ECPAS: variants seen among roughly 807,000 people sequenced by gnomAD.
The protein encoded by ECPAS is Ecm29 proteasome adaptor and scaffold, also known as proteasome adapter and scaffold protein ECM29.
A neutral mutation model predicts 255.1 loss-of-function variants in ECPAS; 70 were observed. The observed-to-expected ratio is 0.27, with a 90% confidence interval of 0.23 to 0.33. ECPAS has a LOEUF of 0.33. Ranked by LOEUF, ECPAS falls within the 10% of genes least tolerant of loss-of-function variation. The probability of loss-of-function intolerance (pLI) is 1.00; values close to 1 mark genes in which losing one functional copy is unlikely to be tolerated. For synonymous variants in ECPAS, 784 were observed against 775.0 expected (o/e 1.01, Z -0.19); for missense variants, 1,817 against 2,206.4 (o/e 0.82, Z 3.54).
intron 3 of ECPAS, among the ~76,000 whole-genome samples, 195 bp from the exon 4 acceptor site, chr9:111,444,689 T>C (rs1402901099): frequency 6.6e-6 from 1 of 152,184 alleles, no homozygotes; most frequent in Admixed American, 6.5e-5. Context: ...CTCCCAAAAA[T>C]CTATGCACTA....
rs1353652509 is a variant in ECPAS at position 111,384,455 on chromosome 9, T to TA, written c.3681+66dup. 9 of 1,395,668 alleles carry TA rather than the reference T, an allele frequency of 6.4e-6. No homozygotes were observed. The African/African-American group carries it at 8.6e-5, about 13-fold the overall frequency. 86.5% of individuals were successfully genotyped at this position (1,395,668 alleles called of 1,614,324 possible). A position where few individuals can be genotyped will look rare whatever the true frequency, so the allele number is the denominator to read the frequency against. On this transcript the variant is annotated intron_variant, in intron 34 of 49. Transcript: ENST00000684092. ...AAATGTCTTTTCCTATGACAGTAAG[T>TA]AAATCATTGTCATGGTCACCCAGAA...
chr9:111,435,793 C>T (rs1402886969), intron 7 of ECPAS, among the ~76,000 whole-genome samples: 5 of 151,288 alleles, frequency 3.3e-5, no homozygotes, highest in Admixed American at 1.3e-4. Flanking sequence ...CATTCTCCCA[C>T]CTCAGCCTCC....
intron 16 of ECPAS, among the ~76,000 whole-genome samples, chr9:111,418,330 A>G (rs1017158470): frequency 2.0e-5 from 3 of 152,238 alleles, no homozygotes; most frequent in Non-Finnish European, 2.9e-5. Context: ...ATAAACAACT[A>G]TAATACATAT....
chr9:111,383,187 T>G (rs776146708), intron 35 of ECPAS, 24 bp downstream of exon 35: 1 of 1,611,656 alleles, frequency 6.2e-7, no homozygotes, highest in Non-Finnish European at 8.5e-7. Flanking sequence ...ATCCAATACA[T>G]TCATTTCATC....
rs1405907820 is a variant in ECPAS, at chr9:111,451,539, G to T, written c.39C>A (p.Val13=). Residue 13 remains valine, a synonymous_variant, in exon 3 of 50, where the codon GTC becomes GTA. Transcript: ENST00000684092. ...TTTCAGCATGGCCAAGTCGTAAAAAGACCCGTTCAAGCTGATCTATAATAT... is the reference window on the plus strand; with the variant it reads ...TTTCAGCATGGCCAAGTCGTAAAAATACCCGTTCAAGCTGATCTATAATAT... ...HIDCRDQLER[V]FLRLGHAETD... is the part of the protein sequence containing the mutation. 2 of 1,574,578 alleles carry T rather than the reference G, an allele frequency of 1.3e-6. No homozygotes were observed. The highest frequency in any genetic ancestry group is 1.2e-5 in the South Asian group (1 of 85,046).
intron 49 of ECPAS, among the ~76,000 whole-genome samples, chr9:111,363,377 A>C (rs907689809): frequency 2.6e-5 from 4 of 152,198 alleles, no homozygotes; most frequent in African/African-American, 9.6e-5. Flanking sequence ...TAGCTTAATA[A>C]TATATTAAAA....
At chr9:111,366,458 T>C (rs563977636) in intron 47 of ECPAS, 64 bp downstream of exon 47, 33 of 1,346,772 alleles carry the variant, frequency 2.5e-5, no homozygotes, top group Admixed American at 7.6e-5. Context: ...AAAAATTCCA[T>C]TGATTATACA....
At position 111,373,343 on chromosome 9, in the gene ECPAS, C is replaced by T; in HGVS notation, c.4241G>A (p.Cys1414Tyr). Residue 1414 changes from cysteine to tyrosine, a missense_variant, in exon 40 of 50, where the codon TGT (cysteine) becomes TAT (tyrosine). Transcript: ENST00000684092. ...AACTAAATGGCCCATAGCAAATGCA[C>T]AAGATTTCTGAATCACACTGTTCCG... Reference protein sequence around the residue: ...TDRNSVIQKSCAFAMGHLVRT... With the variant: ...TDRNSVIQKSYAFAMGHLVRT... 1 of 1,613,798 alleles carries T rather than the reference C, an allele frequency of 6.2e-7. No homozygotes were observed. Among genetic ancestry groups the T allele is most frequent in the Non-Finnish European group, 8.5e-7 (1 of 1,179,804 alleles).
chr9:111,367,593 A>G (rs1449016869), intron 46 of ECPAS, among the ~76,000 whole-genome samples: 1 of 152,176 alleles, frequency 6.6e-6, no homozygotes, highest in Non-Finnish European at 1.5e-5. Flanking sequence ...AATATTAAGA[A>G]ATAAAACCAC....
At chr9:111,482,946 G>T (rs1445532903) in intron 1 of ECPAS, among the ~76,000 whole-genome samples, 2 of 152,208 alleles carry the variant, frequency 1.3e-5, no homozygotes, top group Non-Finnish European at 2.9e-5. Context: ...TGAAAGCGCT[G>T]TCACCCCGTG....
chr9:111,483,359 A>G (rs1045330096), intron 1 of ECPAS: 6 of 198,358 alleles, frequency 3.0e-5, no homozygotes, highest in Non-Finnish European at 5.4e-5. Flanking sequence ...CCCGTCCGCC[A>G]GGCCCGGGCT....
chr9:111,429,318 G>A (rs2098226369), intron 9 of ECPAS, among the ~76,000 whole-genome samples: 1 of 151,662 alleles, frequency 6.6e-6, no homozygotes, highest in African/African-American at 2.4e-5. Flanking sequence ...TTAGTCATCT[G>A]GTGACATGGC....
At chr9:111,449,819 T>C (rs948840685) in intron 3 of ECPAS, among the ~76,000 whole-genome samples, 5 of 152,102 alleles carry the variant, frequency 3.3e-5, no homozygotes, top group African/African-American at 1.2e-4. Context: ...TTTCCTCCTA[T>C]CAGGCTTCGT....
chr9:111,464,432 A>G (rs973775735), intron 2 of ECPAS, among the ~76,000 whole-genome samples: 4 of 151,056 alleles, frequency 2.6e-5, no homozygotes, highest in African/African-American at 9.9e-5. Context: ...CCTATCTCAA[A>G]AGAAAAAAAA....
chr9:111,469,174 G>T (rs1170687203), intron 2 of ECPAS, among the ~76,000 whole-genome samples: 1 of 151,358 alleles, frequency 6.6e-6, no homozygotes, highest in Non-Finnish European at 1.5e-5. Context: ...GGAGGCAGAG[G>T]TTACAGTAAG....
At chr9:111,388,717 GAA>G (rs1028513040) in intron 31 of ECPAS, among the ~76,000 whole-genome samples, 49 of 152,290 alleles carry the variant, frequency 3.2e-4, no homozygotes, top group African/African-American at 1.1e-3. Context: ...ATTAGGGAAA[GAA>G]GAGAGTAGAT....
chr9:111,483,886 T>G, intron 1 of ECPAS: 20 of 528,446 alleles, frequency 3.8e-5, no homozygotes, highest in East Asian at 1.5e-4. Context: ...CACGCCGGTT[T>G]TATATTTAGA....
Position 111,371,609 on chromosome 9 carries a change from T to A in ECPAS, c.4737+12A>T. 6.2e-7 allele frequency: 1 copy of A among 1,609,728 alleles called. No individual in the cohort carries two copies. The highest frequency in any genetic ancestry group is 8.5e-7 in the Non-Finnish European group (1 of 1,176,620). ...CAGAATCCCTTTAACTGGGTATGAA[T>A]GGTTCCTTTACCTTTCCTGCCCACG... On this transcript the variant is annotated intron_variant, in intron 43 of 49. Coordinates refer to ENST00000684092, the MANE Select transcript of ECPAS (RefSeq NM_001364929.1).
At chr9:111,411,583 C>A (rs1038446732) in intron 21 of ECPAS, 1 of 177,166 alleles carries the variant, frequency 5.6e-6, no homozygotes, top group African/African-American at 2.4e-5. Flanking sequence ...AGGTAACCAA[C>A]AAACTATGTG....
Sources: allele counts gnomAD v4.1 joint callset (sites outside exome capture counted in the v4.1 genomes callset), GRCh38; gene constraint gnomAD v4.1.1; transcripts MANE v1.5; gene names NCBI Gene and HGNC (gene_info 2026-07-23, HGNC 2026-07-21).